CSGALNACT1: variants seen among roughly 807,000 people sequenced by gnomAD.
CSGALNACT1 encodes the protein beta4GalNAcT-1.
A neutral mutation model predicts 51.0 loss-of-function variants in CSGALNACT1; 52 were observed. The observed-to-expected ratio is 1.02, with a 90% confidence interval of 0.82 to 1.29. CSGALNACT1 has a LOEUF of 1.29. Ranked by LOEUF, CSGALNACT1 falls within the 50% of genes most tolerant of loss-of-function variation. The pLI, the probability that CSGALNACT1 is intolerant of heterozygous loss-of-function variation, is 0.00. For synonymous variants in CSGALNACT1, 341 were observed against 254.4 expected, an observed-to-expected ratio of 1.34 and a Z score of -3.24; for missense variants, 935 against 679.2, an observed-to-expected ratio of 1.38 and a Z score of -4.19.
At chr8:19,615,673 C>T (rs1015674989) in intron 1 of CSGALNACT1, among the ~76,000 whole-genome samples, 2 of 152,040 alleles carry the variant, frequency 1.3e-5, no homozygotes, top group Non-Finnish European at 2.9e-5. Context: ...CTAACAAAGA[C>T]AAAGATTTTC....
intron 5 of CSGALNACT1, among the ~76,000 whole-genome samples, chr8:19,455,030 G>C (rs2063830367): frequency 6.6e-6 from 1 of 152,114 alleles, no homozygotes. Context: ...CAGCTGGCAA[G>C]CAATTCTTCT....
At chr8:19,483,828 G>A (rs557535669) in intron 4 of CSGALNACT1, among the ~76,000 whole-genome samples, 4 of 152,176 alleles carry the variant, frequency 2.6e-5, no homozygotes, top group Non-Finnish European at 5.9e-5. Context: ...TGAATATGTA[G>A]CAACAGCCTT....
intron 3 of CSGALNACT1, among the ~76,000 whole-genome samples, chr8:19,580,659 T>C (rs1299868351): frequency 2.0e-5 from 3 of 152,160 alleles, no homozygotes; most frequent in African/African-American, 4.8e-5. Flanking sequence ...CAAAGCCTGA[T>C]AGAAAACAAG....
intron 1 of CSGALNACT1, among the ~76,000 whole-genome samples, chr8:19,706,472 T>A (rs1407221293): frequency 6.6e-6 from 1 of 152,132 alleles, no homozygotes; most frequent in Admixed American, 6.5e-5. Flanking sequence ...GGCACTAAAA[T>A]CAGACACTGG....
intron 1 of CSGALNACT1, among the ~76,000 whole-genome samples, chr8:19,612,917 A>G (rs2052468985): frequency 7.0e-6 from 1 of 142,802 alleles, no homozygotes; most frequent in Admixed American, 7.4e-5. Flanking sequence ...CTTCTCCTTT[A>G]TCACAAAAGA....
intron 1 of CSGALNACT1, among the ~76,000 whole-genome samples, chr8:19,675,675 G>A (rs1198122891): frequency 6.6e-6 from 1 of 152,038 alleles, no homozygotes; most frequent in Admixed American, 6.6e-5. Context: ...TTAATTTTTA[G>A]TAGAGACAGG....
At chr8:19,556,624 A>G (rs1385888155) in intron 3 of CSGALNACT1, among the ~76,000 whole-genome samples, 4 of 152,114 alleles carry the variant, frequency 2.6e-5, no homozygotes, top group Admixed American at 1.3e-4. Context: ...ACACAGCATT[A>G]TTGGGACTGT....
intron 3 of CSGALNACT1, among the ~76,000 whole-genome samples, chr8:19,549,474 T>G (rs1379309246): frequency 7.2e-5 from 11 of 152,084 alleles, no homozygotes; most frequent in Admixed American, 6.6e-4. Flanking sequence ...GATAAACAAT[T>G]AGGTACTTTT....
At chr8:19,555,676 G>C (rs145021145) in intron 3 of CSGALNACT1, among the ~76,000 whole-genome samples, 405 of 152,284 alleles carry the variant, frequency 2.7e-3, no homozygotes, top group African/African-American at 9.1e-3. Flanking sequence ...TACATCTTCA[G>C]ACTTCACTTA....
intron 3 of CSGALNACT1, among the ~76,000 whole-genome samples, chr8:19,546,751 C>G (rs2086575277): frequency 6.6e-6 from 1 of 152,156 alleles, no homozygotes; most frequent in South Asian, 2.1e-4. Flanking sequence ...TGAAACCCCT[C>G]CAAACTCAGA....
intron 1 of CSGALNACT1, among the ~76,000 whole-genome samples, chr8:19,664,385 T>G (rs944704829): frequency 6.6e-6 from 1 of 152,128 alleles, no homozygotes; most frequent in East Asian, 1.9e-4. Flanking sequence ...ATACTGCTGG[T>G]GGGAATGTAA....
intron 1 of CSGALNACT1, among the ~76,000 whole-genome samples, chr8:19,737,986 A>G (rs2064088751): frequency 6.6e-6 from 1 of 152,222 alleles, no homozygotes; most frequent in Non-Finnish European, 1.5e-5. Context: ...GTTGCATAAC[A>G]TGAATGTATT....
intron 3 of CSGALNACT1, among the ~76,000 whole-genome samples, chr8:19,526,273 G>A (rs2081683340): frequency 6.6e-6 from 1 of 152,098 alleles, no homozygotes; most frequent in South Asian, 2.1e-4. Flanking sequence ...ATTACTCAAG[G>A]GCCCTTAACT....
At chr8:19,659,473 G>A (rs751952057) in intron 1 of CSGALNACT1, among the ~76,000 whole-genome samples, 3 of 152,038 alleles carry the variant, frequency 2.0e-5, no homozygotes, top group African/African-American at 4.8e-5. Context: ...AACTGTGTGT[G>A]TTTCCGACAG....
chr8:19,755,108 G>A (rs1453292600), intron 1 of CSGALNACT1, among the ~76,000 whole-genome samples: 2 of 152,166 alleles, frequency 1.3e-5, no homozygotes, highest in Non-Finnish European at 1.5e-5. Context: ...AGACATGGAG[G>A]AAAGAGGAAA....
At chr8:19,578,044 C>T (rs2044681196) in intron 3 of CSGALNACT1, among the ~76,000 whole-genome samples, 1 of 152,172 alleles carries the variant, frequency 6.6e-6, no homozygotes, top group South Asian at 2.1e-4. Flanking sequence ...CCACAGCTTG[C>T]TTTCACTCAG....
chr8:19,448,999 CT>C (rs981396391), intron 5 of CSGALNACT1, among the ~76,000 whole-genome samples: 3 of 152,202 alleles, frequency 2.0e-5, no homozygotes, highest in Non-Finnish European at 4.4e-5. Flanking sequence ...GTCATCTCCC[CT>C]CCCCTGTGTC....
At chr8:19,658,223 A>T (rs1002006955) in intron 1 of CSGALNACT1, among the ~76,000 whole-genome samples, 1 of 152,104 alleles carries the variant, frequency 6.6e-6, no homozygotes, top group East Asian at 1.9e-4. Context: ...CCATGTGCAC[A>T]CACAGCCAGG....
At chr8:19,673,538 C>A (rs1358811471) in intron 1 of CSGALNACT1, among the ~76,000 whole-genome samples, 2 of 152,160 alleles carry the variant, frequency 1.3e-5, no homozygotes, top group African/African-American at 4.8e-5. Flanking sequence ...TCAAGATGCA[C>A]CACAGGAGAA....
Sources: gnomAD v4.1 joint callset for allele counts (sites outside exome capture counted in the v4.1 genomes callset) on GRCh38, gnomAD v4.1.1 for gene constraint, MANE v1.5 for transcripts, NCBI Gene and HGNC (gene_info 2026-07-23, HGNC 2026-07-21) for gene names.